Variants in FRMD3 observed in about 807,000 individuals in gnomAD.
The protein encoded by FRMD3 is FERM domain-containing protein 3.
In FRMD3, 33 loss-of-function variants were observed where a neutral mutation model predicts 70.2. The observed-to-expected ratio is 0.47, with a 90% CI of 0.36 to 0.63. FRMD3 has a LOEUF of 0.63. FRMD3 is among the 20% of genes least tolerant of loss of function. The probability of loss-of-function intolerance (pLI) is 0.00; values close to 1 mark genes in which losing one functional copy is unlikely to be tolerated. For missense variants in FRMD3, 632 were observed against 711.4 expected (o/e 0.89, Z 1.27); for synonymous variants, 279 against 255.9 (o/e 1.09, Z -0.86).
intron 1 of FRMD3, among the ~76,000 whole-genome samples, chr9:83,428,402 T>A (rs1826874790): frequency 6.6e-6 from 1 of 150,934 alleles, no homozygotes; most frequent in Non-Finnish European, 1.5e-5. Flanking sequence ...ATGTTTATAG[T>A]AGCATACTTT....
intron 3 of FRMD3, among the ~76,000 whole-genome samples, chr9:83,357,240 T>TATA (rs1564032464): frequency 0.038 from 289 of 7,510 alleles, 71 homozygotes; most frequent in African/African-American, 0.14. Flanking sequence ...ATATATATAA[T>TATA]ACATACATAT....
chr9:83,335,391 G>T, intron 6 of FRMD3, 125 bp downstream of exon 6: 1 of 997,754 alleles, frequency 1.0e-6, no homozygotes, highest in Non-Finnish European at 1.4e-6. Flanking sequence ...AAATTGCGCT[G>T]CCACGCAAAA....
chr9:83,247,635 T>G lies in FRMD3; in HGVS notation c.*283A>C. On this transcript the variant is annotated 3_prime_UTR_variant, in exon 14 of 14. Coordinates refer to ENST00000304195, the MANE Select transcript of FRMD3 (RefSeq NM_174938.6). ...CTAATTCAGTCCAATGTAACATGTATTATGATATAATAGATGAAGGGTATG... is the reference window on the plus strand; with the variant it reads ...CTAATTCAGTCCAATGTAACATGTAGTATGATATAATAGATGAAGGGTATG... 9.1e-7 allele frequency: 1 copy of G among 1,096,566 alleles called. No individual in the cohort carries two copies. Among genetic ancestry groups the G allele is most frequent in the Non-Finnish European group, 1.1e-6 (1 of 891,280 alleles). The allele number at this position is 1,096,566 out of a possible 1,614,324, so 67.9% of individuals were successfully genotyped here. A position where few individuals can be genotyped will look rare whatever the true frequency, so the allele number is the denominator to read the frequency against.
intron 1 of FRMD3, among the ~76,000 whole-genome samples, chr9:83,389,913 A>AAC (rs756414554): frequency 4.8e-4 from 72 of 151,064 alleles, no homozygotes; most frequent in East Asian, 4.5e-3. Context: ...CACACACACA[A>AAC]ACACACACAC....
chr9:83,265,313 T>C (rs35874798), intron 13 of FRMD3, among the ~76,000 whole-genome samples: 18,065 of 147,570 alleles, frequency 0.12, 1,398 homozygotes, highest in East Asian at 0.18. Flanking sequence ...GGCAGGAGAA[T>C]GGTGTGAACC....
At chr9:83,510,897 G>C (rs1342429325) in intron 1 of FRMD3, among the ~76,000 whole-genome samples, 1 of 152,170 alleles carries the variant, frequency 6.6e-6, no homozygotes, top group Non-Finnish European at 1.5e-5. Context: ...AGATCCATAT[G>C]GGTTTTCTTC....
At chr9:83,357,395 G>T (rs1160904628) in intron 3 of FRMD3, among the ~76,000 whole-genome samples, 3 of 149,878 alleles carry the variant, frequency 2.0e-5, no homozygotes, top group Non-Finnish European at 3.0e-5. Context: ...GCGTGTGCAA[G>T]TATCTCTTTC....
At chr9:83,533,926 CA>C (rs1359212276) in intron 1 of FRMD3, among the ~76,000 whole-genome samples, 1 of 151,958 alleles carries the variant, frequency 6.6e-6, no homozygotes, top group Non-Finnish European at 1.5e-5. Context: ...CTATGTAACC[CA>C]AAAAAGTCAG....
At chr9:83,580,510 C>T in the FRMD3 span, among the ~76,000 whole-genome samples, 2 of 152,076 alleles carry the variant, frequency 1.3e-5, no homozygotes, top group African/African-American at 2.4e-5. Context: ...ATAAGCCAGG[C>T]ACAGAAAAAC....
intron 1 of FRMD3, among the ~76,000 whole-genome samples, chr9:83,502,274 A>C (rs1346784774): frequency 1.3e-5 from 2 of 152,186 alleles, no homozygotes; most frequent in East Asian, 1.9e-4. Flanking sequence ...TGAGTGCAAC[A>C]GAGAAGGTTC....
In FRMD3 at chr9:83,248,336, T is replaced by G; in HGVS notation, c.1376A>C (p.Asp459Ala). 1 of 1,614,168 alleles carries G rather than the reference T, an allele frequency of 6.2e-7. No homozygotes were observed. The highest frequency in any genetic ancestry group is 1.1e-5 in the South Asian group (1 of 91,082). Reference protein sequence around the residue: ...PSASLLPTPVDDDEIDMLFDC... With the variant: ...PSASLLPTPVADDEIDMLFDC... ...AAAGAGCATGTCAATCTCATCGTCATCCACAGGGGTGGGGAGCAGGCTGGC... is the reference window on the plus strand; with the variant it reads ...AAAGAGCATGTCAATCTCATCGTCAGCCACAGGGGTGGGGAGCAGGCTGGC... The change falls in exon 14 of 14, where the codon GAT (aspartate) becomes GCT (alanine). Residue 459 changes from aspartate to alanine, a missense_variant. Asp to Ala is a moderately radical substitution (Grantham distance 126). This residue lies in a region of FRMD3 where 418 missense variants were observed against 442.1 expected (regional missense o/e 0.95). Transcript: ENST00000304195.
chr9:83,370,419 G>A (rs1473996525), intron 3 of FRMD3, among the ~76,000 whole-genome samples: 9 of 152,128 alleles, frequency 5.9e-5, no homozygotes, highest in Admixed American at 5.9e-4. Flanking sequence ...TAATTTTTTT[G>A]TTCGGTAATG....
At chr9:83,433,521 G>A (rs1827042006) in intron 1 of FRMD3, among the ~76,000 whole-genome samples, 1 of 152,118 alleles carries the variant, frequency 6.6e-6, no homozygotes, top group Non-Finnish European at 1.5e-5. Flanking sequence ...GAAGTGGGGT[G>A]GTTTCAGGAT....
chr9:83,571,353 T>C, the FRMD3 span, among the ~76,000 whole-genome samples: 1 of 152,210 alleles, frequency 6.6e-6, no homozygotes, highest in Non-Finnish European at 1.5e-5. Flanking sequence ...CAAATTAGCA[T>C]CTTTTCTTTA....
At chr9:83,583,441 T>C in the FRMD3 span, among the ~76,000 whole-genome samples, 1 of 152,192 alleles carries the variant, frequency 6.6e-6, no homozygotes, top group South Asian at 2.1e-4. Context: ...AATACCGTAC[T>C]AGCCACATTT....
At chr9:83,399,070 G>T (rs1217336528) in intron 1 of FRMD3, among the ~76,000 whole-genome samples, 1 of 152,224 alleles carries the variant, frequency 6.6e-6, no homozygotes, top group Admixed American at 6.5e-5. Flanking sequence ...ATCACAGCAA[G>T]AGGCTTAATA....
intron 1 of FRMD3, among the ~76,000 whole-genome samples, chr9:83,406,418 G>A (rs17403376): frequency 0.025 from 3,762 of 152,312 alleles, 71 homozygotes; most frequent in Non-Finnish European, 0.039. Flanking sequence ...GGTCTCCACT[G>A]CAGAACTTAT....
intron 1 of FRMD3, among the ~76,000 whole-genome samples, chr9:83,406,229 G>A (rs1050342714): frequency 6.6e-5 from 10 of 151,910 alleles, no homozygotes; most frequent in South Asian, 2.1e-4. Context: ...CCCTCCCTCC[G>A]TCCACCCACA....
chr9:83,531,618 TTAC>T (rs1365946832), intron 1 of FRMD3, among the ~76,000 whole-genome samples: 1 of 152,204 alleles, frequency 6.6e-6, no homozygotes, highest in Admixed American at 6.5e-5. Context: ...TGAATTGTCC[TTAC>T]TAGCAGAAAA....
Sources: allele counts gnomAD v4.1 joint callset (sites outside exome capture counted in the v4.1 genomes callset), GRCh38; gene constraint gnomAD v4.1.1; regional missense constraint gnomAD v4.1.1; transcripts MANE v1.5; gene names NCBI Gene and HGNC (gene_info 2026-07-23, HGNC 2026-07-21).